The following EEPD1 variants were observed in gnomAD, a reference collection of about 807,000 sequenced individuals.
EEPD1 encodes the protein endonuclease/exonuclease/phosphatase family domain containing 1, also known as endonuclease/exonuclease/phosphatase family domain-containing protein 1.
In EEPD1, 17 loss-of-function variants were observed where a neutral mutation model predicts 46.3. That is an observed-to-expected ratio of 0.37 (90% CI 0.25 to 0.55). EEPD1 has a LOEUF of 0.55. Among genes scored for constraint, EEPD1 ranks in the 20% least tolerant of loss-of-function variants. The pLI, the probability that EEPD1 is intolerant of heterozygous loss-of-function variation, is 0.83. For missense variants in EEPD1, 673 were observed against 745.6 expected (o/e 0.90, Z 1.13); for synonymous variants, 313 against 315.6 (o/e 0.99, Z 0.09).
chr7:36,290,639 C>A (rs1444949691), intron 6 of EEPD1, among the ~76,000 whole-genome samples: 1 of 152,178 alleles, frequency 6.6e-6, no homozygotes, highest in Non-Finnish European at 1.5e-5. Context: ...CCTAGTGGAA[C>A]CTTCTTCCCT....
At chr7:36,156,343 T>G (rs997616655) in intron 2 of EEPD1, among the ~76,000 whole-genome samples, 2 of 152,200 alleles carry the variant, frequency 1.3e-5, no homozygotes, top group Admixed American at 1.3e-4. Flanking sequence ...GACTCCACAC[T>G]GGGTCAGGGA....
chr7:36,165,411 C>CAT (rs1784966030), intron 2 of EEPD1, among the ~76,000 whole-genome samples: 1 of 62,062 alleles, frequency 1.6e-5, no homozygotes, highest in Non-Finnish European at 2.9e-5. Flanking sequence ...GATCCATTTC[C>CAT]TTTTTTTTTT....
chr7:36,274,035 G>T (rs1354444819), intron 3 of EEPD1, among the ~76,000 whole-genome samples: 5 of 152,226 alleles, frequency 3.3e-5, no homozygotes, highest in African/African-American at 1.2e-4. Context: ...AAGTGGCCCT[G>T]GAGCCCCCAA....
intron 2 of EEPD1, among the ~76,000 whole-genome samples, chr7:36,200,907 G>A (rs1006326225): frequency 9.2e-5 from 14 of 152,178 alleles, no homozygotes; most frequent in Non-Finnish European, 1.6e-4. Flanking sequence ...CATCACAAAG[G>A]GGCAAACAGC....
intron 2 of EEPD1, among the ~76,000 whole-genome samples, chr7:36,181,257 C>T (rs1419637881): frequency 6.8e-6 from 1 of 147,546 alleles, no homozygotes; most frequent in Non-Finnish European, 1.5e-5. Flanking sequence ...GCCTTGATTT[C>T]CCCTCACGTG....
At chr7:36,214,054 C>T (rs942011074) in intron 2 of EEPD1, among the ~76,000 whole-genome samples, 1 of 152,074 alleles carries the variant, frequency 6.6e-6, no homozygotes, top group African/African-American at 2.4e-5. Flanking sequence ...ACAGCAGACA[C>T]CAGTGCCAAT....
chr7:36,211,087 A>G (rs1473283706), intron 2 of EEPD1, among the ~76,000 whole-genome samples: 2 of 152,172 alleles, frequency 1.3e-5, no homozygotes, highest in African/African-American at 2.4e-5. Context: ...CACAGAGTCA[A>G]CAGATGTTGT....
intron 6 of EEPD1, among the ~76,000 whole-genome samples, chr7:36,288,717 G>A (rs1420747161): frequency 2.7e-5 from 4 of 150,204 alleles, no homozygotes; most frequent in East Asian, 2.0e-4. Context: ...AGCTTTGATC[G>A]CACCACTGTA....
chr7:36,272,186 A>G (rs1787117813), intron 3 of EEPD1, among the ~76,000 whole-genome samples: 1 of 114,718 alleles, frequency 8.7e-6, no homozygotes, highest in Admixed American at 8.8e-5. Context: ...CCCTGCCATT[A>G]ATTTAAAGAT....
At chr7:36,248,405 C>T (rs770528586) in intron 3 of EEPD1, among the ~76,000 whole-genome samples, 2 of 151,720 alleles carry the variant, frequency 1.3e-5, no homozygotes, top group African/African-American at 4.8e-5. Context: ...GTTGGTTTCA[C>T]TGCATTTCCC....
In EEPD1 at chr7:36,291,237, C is replaced by T. The variant is rs576177273; in HGVS notation, c.1315+3460C>T. ...TTGTTCCTTTCCAAATCAAACTGCA[C>T]CCTAATTCTGGGACATTTGTGGTTC... is the stretch of plus-strand genomic sequence containing the variant. On this transcript the variant is annotated intron_variant, in intron 6 of 7. Coordinates refer to ENST00000242108, the MANE Select transcript of EEPD1 (RefSeq NM_030636.3). Among the ~76,000 whole-genome samples the T allele has an allele frequency of 5.9e-5, 9 of 152,330 alleles. 1 individual carries two copies. The highest frequency in any genetic ancestry group is 5.9e-4 in the Admixed American group (9 of 15,302).
chr7:36,200,694 C>T (rs1353148156), intron 2 of EEPD1, among the ~76,000 whole-genome samples: 2 of 152,144 alleles, frequency 1.3e-5, no homozygotes, highest in Non-Finnish European at 2.9e-5. Context: ...TTATTCTGGT[C>T]ATCACTGAGA....
chr7:36,247,122 CAAAAAAA>C (rs35947069), intron 3 of EEPD1, among the ~76,000 whole-genome samples: 1 of 107,232 alleles, frequency 9.3e-6, no homozygotes, highest in East Asian at 2.8e-4. Context: ...GACTCCATCT[CAAAAAAA>C]AAAAAAAAAA....
intron 2 of EEPD1, among the ~76,000 whole-genome samples, chr7:36,188,617 A>G (rs930167118): frequency 2.0e-5 from 3 of 152,182 alleles, no homozygotes; most frequent in African/African-American, 7.2e-5. Context: ...AAAGGTTATG[A>G]ATCAACAATC....
chr7:36,220,790 TTTTTGTTTTG>T (rs963103839), intron 2 of EEPD1, among the ~76,000 whole-genome samples: 9 of 152,124 alleles, frequency 5.9e-5, no homozygotes, highest in Middle Eastern at 3.4e-3. Flanking sequence ...CTGAATTCGG[TTTTTGTTTTG>T]TTTTGTTTTG....
At chr7:36,192,635 C>A (rs893199051) in intron 2 of EEPD1, among the ~76,000 whole-genome samples, 1 of 152,192 alleles carries the variant, frequency 6.6e-6, no homozygotes, top group African/African-American at 2.4e-5. Flanking sequence ...CCGGCGAAGG[C>A]CTGTGTCTTA....
intron 6 of EEPD1, among the ~76,000 whole-genome samples, chr7:36,296,200 C>G (rs1787522459): frequency 6.6e-6 from 1 of 152,058 alleles, no homozygotes; most frequent in African/African-American, 2.4e-5. Context: ...GCCAGGAAGA[C>G]CCAGGCTTTT....
chr7:36,198,342 G>GAAAAAAAAAAAAAAAAGAAAA (rs1583803428), intron 2 of EEPD1, among the ~76,000 whole-genome samples: 5 of 33,102 alleles, frequency 1.5e-4, no homozygotes, highest in Admixed American at 4.2e-4. Flanking sequence ...AAAAAGAAAA[G>GAAAAAAAAAAAAAAAAGAAAA]AAAAAAAAAA....
chr7:36,181,519 G>A (rs1785269018), intron 2 of EEPD1, among the ~76,000 whole-genome samples: 1 of 152,216 alleles, frequency 6.6e-6, no homozygotes, highest in Admixed American at 6.5e-5. Context: ...TTTTGAATGT[G>A]CGAGTTGAGT....
Sources: gnomAD v4.1 joint callset for allele counts (sites outside exome capture counted in the v4.1 genomes callset) on GRCh38, gnomAD v4.1.1 for gene constraint, MANE v1.5 for transcripts, NCBI Gene and HGNC (gene_info 2026-07-23, HGNC 2026-07-21) for gene names.